The following DENND2A variants were observed in gnomAD, a reference collection of about 807,000 sequenced individuals.
DENND2A encodes the protein DENN domain containing 2A.
In DENND2A, 53 loss-of-function variants were observed where a neutral mutation model predicts 105.3. The ratio of observed to expected loss-of-function variants is 0.50; its 90% confidence interval spans 0.40 to 0.63. DENND2A has a LOEUF of 0.63. Ranked by LOEUF, DENND2A falls within the 30% of genes least tolerant of loss-of-function variation. The pLI, the probability that DENND2A is intolerant of heterozygous loss-of-function variation, is 0.00. For synonymous variants in DENND2A, 522 were observed against 508.4 expected (o/e 1.03, Z -0.36); for missense variants, 1,138 against 1,279.6 (o/e 0.89, Z 1.69).
At chr7:140,605,011 C>A (rs542794183) in intron 2 of DENND2A, among the ~76,000 whole-genome samples, 1 of 152,286 alleles carries the variant, frequency 6.6e-6, no homozygotes, top group Admixed American at 6.5e-5. Flanking sequence ...CATGGAGTGA[C>A]TTCACAACTA....
At chr7:140,618,224 C>T (rs114656940) in intron 1 of DENND2A, among the ~76,000 whole-genome samples, 141 of 152,230 alleles carry the variant, frequency 9.3e-4, no homozygotes, top group African/African-American at 3.1e-3. Flanking sequence ...TATGCTAATA[C>T]AGGTAAAATA....
At position 140,602,073 on chromosome 7, in the gene DENND2A, CCTT is replaced by C. The variant is rs750413262; in HGVS notation, c.322_324del (p.Lys108del). 7 of 1,614,088 alleles carry C rather than the reference CCTT, an allele frequency of 4.3e-6. No individual in the cohort carries two copies. The highest frequency in any genetic ancestry group is 4.5e-5 in the East Asian group (2 of 44,880). ...ACGTTCACTGCTCCTTTATTCCTCTCCTTCTCTGTGCTCTCTGTTCCTGGCCTC... is the reference window on the plus strand; with the variant it reads ...ACGTTCACTGCTCCTTTATTCCTCTCCTCTGTGCTCTCTGTTCCTGGCCTC... On this transcript the variant is annotated inframe_deletion, in exon 3 of 20. Transcript: ENST00000496613.
At chr7:140,530,703 C>T (rs1796229773) in intron 14 of DENND2A, among the ~76,000 whole-genome samples, 1 of 151,266 alleles carries the variant, frequency 6.6e-6, no homozygotes, top group South Asian at 2.1e-4. Context: ...CAGAATCCAG[C>T]CAGAGCTTAG....
In DENND2A at chr7:140,527,552, C is replaced by T. The variant is rs1407181869; in HGVS notation, c.2328-57G>A. The T allele has an allele frequency of 2.6e-6, 4 of 1,510,208 alleles. No individual in the cohort carries two copies. The highest frequency in any genetic ancestry group is 3.6e-6 in the Non-Finnish European group (4 of 1,124,432). 93.6% of individuals were successfully genotyped at this position (1,510,208 alleles called of 1,614,324 possible). A position where few individuals can be genotyped will look rare whatever the true frequency, so the allele number is the denominator to read the frequency against. ...CGACTCAGCGAGGGCCCGAGGAAGC[C>T]TCCAGGGGAGAAGGCTCCTCCCAGA... On this transcript the variant is annotated intron_variant, in intron 14 of 19. Transcript: ENST00000496613. The surrounding 1 kb of genome is among the most constrained non-coding windows in gnomAD (Gnocchi z 4.9).
chr7:140,584,388 A>T (rs2130642222), intron 5 of DENND2A, among the ~76,000 whole-genome samples: 1 of 152,302 alleles, frequency 6.6e-6, no homozygotes, highest in South Asian at 2.1e-4. Flanking sequence ...CACAGCCCCA[A>T]ATATTTACTC....
At chr7:140,526,356 G>A (rs1049942245) in intron 15 of DENND2A, among the ~76,000 whole-genome samples, 6 of 152,212 alleles carry the variant, frequency 3.9e-5, no homozygotes, top group Non-Finnish European at 7.3e-5. Flanking sequence ...CAAGTGAGGT[G>A]CCTGAGGCGC....
intron 5 of DENND2A, among the ~76,000 whole-genome samples, chr7:140,576,618 G>A (rs1031674029): frequency 1.3e-5 from 2 of 152,172 alleles, no homozygotes; most frequent in African/African-American, 4.8e-5. Flanking sequence ...ATAGTAAGTA[G>A]CAATAACTTC....
chr7:140,602,168 G>C lies in DENND2A; in HGVS notation c.230C>G (p.Ser77Cys). The change falls in exon 3 of 20, where the codon TCC (serine) becomes TGC (cysteine). Residue 77 changes from serine (S) to cysteine (C), a missense_variant. Around this residue, in one of 2 missense-constraint regions of DENND2A, gnomAD observed 511 missense variants for 499.9 expected, o/e 1.02. Coordinates refer to ENST00000496613, the MANE Select transcript of DENND2A (RefSeq NM_015689.5). ...ACTACTCCTCCTCTCCACCGTAGAG[G>C]ACGGCAGATAATCCTCCTGTCCGTC... is the stretch of plus-strand genomic sequence containing the variant. ...RADGQEDYLP[S>C]STVERRSSDG... 6.2e-7 allele frequency: 1 copy of C among 1,614,138 alleles called. No individual in the cohort carries two copies. The highest frequency in any genetic ancestry group is 8.5e-7 in the Non-Finnish European group (1 of 1,180,036).
chr7:140,569,900 T>A (rs1798023540), intron 6 of DENND2A, among the ~76,000 whole-genome samples, 162 bp from the exon 7 acceptor site: 1 of 152,032 alleles, frequency 6.6e-6, no homozygotes, highest in African/African-American at 2.4e-5. Context: ...CATTTTTTTT[T>A]TTTATTTTTT....
chr7:140,544,894 G>T, intron 13 of DENND2A, 128 bp from the exon 14 acceptor site: 7 of 1,448,442 alleles, frequency 4.8e-6, no homozygotes, highest in Non-Finnish European at 6.4e-6. Context: ...AAAAGGGAAA[G>T]AAAAAAAGCA....
chr7:140,602,001 G>A lies in DENND2A; in HGVS notation c.397C>T (p.Arg133Trp). The change falls in exon 3 of 20, where the codon CGG (arginine) becomes TGG (tryptophan). Residue 133 changes from arginine to tryptophan, a missense_variant. Around this residue, in one of 2 missense-constraint regions of DENND2A, gnomAD observed 511 missense variants for 499.9 expected, o/e 1.02. Coordinates refer to ENST00000496613, the MANE Select transcript of DENND2A (RefSeq NM_015689.5). ...CGGCCCCAGCTAGGATCCACTTCCC[G>A]TTCTGGCTGGCTTAGGTCTTGCCCC... ...EPGQDLSQPE[R>W]EVDPSWGRGR... The A allele has an allele frequency of 3.7e-6, 6 of 1,614,184 alleles. No homozygotes were observed. The highest frequency in any genetic ancestry group is 1.1e-5 in the South Asian group (1 of 91,086).
intron 7 of DENND2A, 82 bp from the exon 8 acceptor site, chr7:140,568,895 CAAAT>C: frequency 7.3e-7 from 1 of 1,367,354 alleles, no homozygotes; most frequent in Non-Finnish European, 1.0e-6. Context: ...TAGCACAGAT[CAAAT>C]GTTCTAATTC....
intron 15 of DENND2A, among the ~76,000 whole-genome samples, chr7:140,526,716 G>A (rs1245117725): frequency 1.3e-5 from 2 of 152,172 alleles, no homozygotes; most frequent in African/African-American, 4.8e-5. Context: ...AGCTTCTAGG[G>A]ACCCAGACAC....
intron 5 of DENND2A, among the ~76,000 whole-genome samples, chr7:140,581,742 C>T (rs1798552642): frequency 6.6e-6 from 1 of 152,232 alleles, no homozygotes; most frequent in African/African-American, 2.4e-5. Flanking sequence ...CAGACACGTG[C>T]TCTGGACAAC....
At chr7:140,624,721 C>T (rs1405277497) in intron 1 of DENND2A, among the ~76,000 whole-genome samples, 1 of 151,466 alleles carries the variant, frequency 6.6e-6, no homozygotes, top group African/African-American at 2.4e-5. Flanking sequence ...TTTTTCTTAG[C>T]TGAAGAGCCA....
Position 140,567,229 on chromosome 7 carries a change from C to A in DENND2A, c.1636G>T (p.Ala546Ser). The A allele has an allele frequency of 6.2e-7, 1 of 1,612,546 alleles. No individual in the cohort carries two copies. Among genetic ancestry groups the A allele is most frequent in the Non-Finnish European group, 8.5e-7 (1 of 1,179,492 alleles). Residue 546 changes from alanine to serine, a missense_variant, in exon 9 of 20, where the codon GCG (alanine) becomes TCG (serine). Physicochemically the swap from Ala to Ser is moderately conservative, Grantham distance 99 (BLOSUM62 1). Coordinates refer to ENST00000496613, the MANE Select transcript of DENND2A (RefSeq NM_015689.5). Reference sequence around the variant, plus strand: ...CGGGCAAGTGATGGGTACCGAGGCGCCTGCTTCAGCCGGGACTTCACGTTG... The same window carrying A: ...CGGGCAAGTGATGGGTACCGAGGCGACTGCTTCAGCCGGGACTTCACGTTG... ...LVNVKSRLKQ[A>S]PRYPSLAREL...
intron 13 of DENND2A, among the ~76,000 whole-genome samples, chr7:140,545,367 T>G (rs1796853962): frequency 6.6e-6 from 1 of 152,186 alleles, no homozygotes; most frequent in Non-Finnish European, 1.5e-5. Context: ...TCTTCTTTTT[T>G]TGAGATGGAG....
chr7:140,554,815 T>A (rs142730613), intron 12 of DENND2A, among the ~76,000 whole-genome samples: 1 of 152,324 alleles, frequency 6.6e-6, no homozygotes, highest in East Asian at 1.9e-4. Flanking sequence ...TGCGTTCATA[T>A]GTTGGCTCAT....
chr7:140,531,750 G>A (rs149116929), intron 14 of DENND2A, among the ~76,000 whole-genome samples: 4,728 of 151,140 alleles, frequency 0.031, 364 homozygotes, highest in African/African-American at 0.11. Flanking sequence ...AGGAGACGGA[G>A]GTTGCAGTGA....
Sources: allele counts gnomAD v4.1 joint callset (sites outside exome capture counted in the v4.1 genomes callset), GRCh38; gene constraint gnomAD v4.1.1; regional missense constraint gnomAD v4.1.1; non-coding constraint Gnocchi (gnomAD v3.1); transcripts MANE v1.5; gene names NCBI Gene and HGNC (gene_info 2026-07-23, HGNC 2026-07-21).